The following SH3RF3 variants were observed in gnomAD, a reference collection of about 807,000 sequenced individuals.
SH3RF3 encodes E3 ubiquitin-protein ligase SH3RF3.
SH3RF3 carries 29 observed loss-of-function variants against 66.3 expected under a neutral mutation model. The ratio of observed to expected loss-of-function variants is 0.44; its 90% CI spans 0.33 to 0.60. The LOEUF (loss-of-function observed/expected upper bound fraction) is 0.60. Among genes scored for constraint, SH3RF3 ranks in the 20% least tolerant of loss-of-function variants. The pLI is 0.04. For missense variants in SH3RF3, 1,194 were observed against 1,190.9 expected, an observed-to-expected ratio of 1.00 and a Z score of -0.04; for synonymous variants, 583 against 532.0, an observed-to-expected ratio of 1.10 and a Z score of -1.32.
intron 1 of SH3RF3, among the ~76,000 whole-genome samples, chr2:109,345,449 G>A (rs1167766215): frequency 1.3e-5 from 2 of 152,262 alleles, no homozygotes; most frequent in South Asian, 2.1e-4. Context: ...AGCAAAAGTC[G>A]CCAAACAGCC....
intron 1 of SH3RF3, among the ~76,000 whole-genome samples, chr2:109,234,791 G>C (rs935516098): frequency 2.6e-5 from 4 of 152,174 alleles, no homozygotes; most frequent in African/African-American, 9.7e-5. Context: ...CTTCACACCT[G>C]ACTTCCTGGG....
At chr2:109,459,307 G>C (rs1269281716) in intron 8 of SH3RF3, among the ~76,000 whole-genome samples, 1 of 152,102 alleles carries the variant, frequency 6.6e-6, no homozygotes, top group Non-Finnish European at 1.5e-5. Context: ...CATTTCTGTA[G>C]CTGTTCACAT....
chr2:109,398,898 C>T lies in SH3RF3; in HGVS notation c.1254C>T (p.Ala418=). 3 of 1,613,652 alleles carry T rather than the reference C, an allele frequency of 1.9e-6. No individual in the cohort carries two copies. Among genetic ancestry groups the T allele is most frequent in the Non-Finnish European group, 1.7e-6 (2 of 1,179,888 alleles). ...LISSSDPRAA[A]RIGDLAHLSC... ...GCTCCAGCGATCCCCGAGCCGCGGC[C>T]AGGATTGGAGACCTTGCTCATCTGT... The change falls in exon 4 of 10, where the codon GCC becomes GCT. Residue 418 remains alanine (A), a synonymous_variant. Coordinates refer to ENST00000309415, the MANE Select transcript of SH3RF3 (RefSeq NM_001099289.3).
intron 7 of SH3RF3, among the ~76,000 whole-genome samples, chr2:109,444,881 A>C (rs1573257080): frequency 6.6e-6 from 1 of 152,344 alleles, no homozygotes; most frequent in East Asian, 1.9e-4. Flanking sequence ...AGCATCTTTG[A>C]AATCAGTATG....
chr2:109,474,294 G>A (rs934159980), intron 8 of SH3RF3, among the ~76,000 whole-genome samples: 1 of 152,166 alleles, frequency 6.6e-6, no homozygotes, highest in Admixed American at 6.5e-5. Context: ...TTTTGAGCCG[G>A]ACAGTTAGTT....
At chr2:109,496,524 T>C in intron 9 of SH3RF3, among the ~76,000 whole-genome samples, 1 of 152,196 alleles carries the variant, frequency 6.6e-6, no homozygotes, top group East Asian at 1.9e-4. Context: ...TCTATGATAA[T>C]AGTAAGTCAG....
intron 3 of SH3RF3, among the ~76,000 whole-genome samples, chr2:109,384,547 C>T (rs959864731): frequency 3.9e-5 from 6 of 151,924 alleles, no homozygotes; most frequent in African/African-American, 1.2e-4. Flanking sequence ...CAGGGGTTCC[C>T]GCAGGTCACT....
intron 2 of SH3RF3, among the ~76,000 whole-genome samples, chr2:109,349,628 T>C (rs1559037383): frequency 6.6e-6 from 1 of 152,198 alleles, no homozygotes; most frequent in African/African-American, 2.4e-5. Context: ...ATAATGGCTC[T>C]AGGCTTCTCC....
intron 1 of SH3RF3, among the ~76,000 whole-genome samples, chr2:109,130,722 C>T (rs539507482): frequency 5.9e-5 from 9 of 152,302 alleles, no homozygotes; most frequent in African/African-American, 2.2e-4. Flanking sequence ...AGGTCTTCTC[C>T]TGGGCTCCCA....
At chr2:109,183,812 G>C (rs2104993655) in intron 1 of SH3RF3, among the ~76,000 whole-genome samples, 1 of 152,332 alleles carries the variant, frequency 6.6e-6, no homozygotes, top group East Asian at 1.9e-4. Flanking sequence ...AGGGGGTTAA[G>C]TTACCTGTCC....
intron 4 of SH3RF3, among the ~76,000 whole-genome samples, chr2:109,418,611 G>T (rs1008292974): frequency 6.6e-6 from 1 of 152,044 alleles, no homozygotes; most frequent in African/African-American, 2.4e-5. Flanking sequence ...TGGATTTGGT[G>T]CCCACTCTAA....
intron 1 of SH3RF3, among the ~76,000 whole-genome samples, chr2:109,175,348 C>G (rs1677893583): frequency 6.6e-6 from 1 of 152,182 alleles, no homozygotes; most frequent in African/African-American, 2.4e-5. Flanking sequence ...TCCTGCAGCA[C>G]AGAAACAAAG....
intron 1 of SH3RF3, among the ~76,000 whole-genome samples, chr2:109,251,032 C>T (rs972283603): frequency 2.6e-5 from 4 of 151,418 alleles, no homozygotes; most frequent in Non-Finnish European, 4.4e-5. Flanking sequence ...GATTGAGTCT[C>T]ACTCTGTCGC....
At chr2:109,220,322 T>C (rs972237257) in intron 1 of SH3RF3, among the ~76,000 whole-genome samples, 2 of 152,144 alleles carry the variant, frequency 1.3e-5, no homozygotes, top group Admixed American at 6.5e-5. Flanking sequence ...TATAAAACTG[T>C]TATAAGAATA....
chr2:109,136,544 C>A (rs1401107057), intron 1 of SH3RF3, among the ~76,000 whole-genome samples: 1 of 152,174 alleles, frequency 6.6e-6, no homozygotes, highest in African/African-American at 2.4e-5. Context: ...GATTTGTATT[C>A]TGCTTTCTTT....
intron 1 of SH3RF3, among the ~76,000 whole-genome samples, chr2:109,338,965 C>T (rs1682492611): frequency 6.6e-6 from 1 of 152,150 alleles, no homozygotes; most frequent in African/African-American, 2.4e-5. Context: ...ACATTATATA[C>T]TGTGTTCTTA....
chr2:109,268,214 C>T (rs1412529827), intron 1 of SH3RF3, among the ~76,000 whole-genome samples: 1 of 151,968 alleles, frequency 6.6e-6, no homozygotes, highest in Admixed American at 6.6e-5. Context: ...TTTATCTTCC[C>T]CAGTGGTTTC....
intron 1 of SH3RF3, among the ~76,000 whole-genome samples, chr2:109,242,383 G>C (rs977869612): frequency 3.3e-5 from 5 of 152,138 alleles, no homozygotes; most frequent in Non-Finnish European, 7.4e-5. Flanking sequence ...TGTCTGTGTC[G>C]TGCCTCGTTG....
At chr2:109,297,882 A>G (rs1446296139) in intron 1 of SH3RF3, among the ~76,000 whole-genome samples, 1 of 150,562 alleles carries the variant, frequency 6.6e-6, no homozygotes, top group Admixed American at 6.6e-5. Flanking sequence ...TACCCTCCAC[A>G]TGGGTCAGTG....
Sources: gnomAD v4.1 joint callset for allele counts (sites outside exome capture counted in the v4.1 genomes callset) on GRCh38, gnomAD v4.1.1 for gene constraint, MANE v1.5 for transcripts, NCBI Gene and HGNC (gene_info 2026-07-23, HGNC 2026-07-21) for gene names.